Variants in GUCY1B1 observed in about 807,000 individuals in gnomAD.
GUCY1B1 encodes guanylate cyclase soluble subunit beta-1.
Under a neutral mutation model 71.0 loss-of-function variants are expected in GUCY1B1, and 43 were observed. The ratio of observed to expected loss-of-function variants is 0.61; its 90% CI spans 0.47 to 0.78. The LOEUF (loss-of-function observed/expected upper bound fraction) is 0.78. GUCY1B1 is among the 30% of genes least tolerant of loss of function. The pLI, the probability that GUCY1B1 is intolerant of heterozygous loss-of-function variation, is 0.00. For synonymous variants in GUCY1B1, 266 were observed against 259.7 expected (o/e 1.02, Z -0.23); for missense variants, 535 against 754.1 (o/e 0.71, Z 3.40).
At chr4:155,762,179 G>C (rs879808382) in intron 2 of GUCY1B1, among the ~76,000 whole-genome samples, 1 of 152,178 alleles carries the variant, frequency 6.6e-6, no homozygotes, top group Non-Finnish European at 1.5e-5. Flanking sequence ...GAGGGGAGGA[G>C]AACCTGGAGG....
In GUCY1B1 at chr4:155,804,619, G is replaced by A. The variant is rs779444663; in HGVS notation, c.1581G>A (p.Glu527=). 7 of 1,612,318 alleles carry A rather than the reference G, an allele frequency of 4.3e-6. No individual in the cohort carries two copies. In the African/African-American group the frequency reaches 9.4e-5, roughly 22 times the overall value. The stretch of plus-strand genomic sequence containing the variant: ...TAACAATAGGGATACACACTGGAGA[G>A]GTAGTTACAGGTGTCATAGGACAGC... ...VQITIGIHTG[E]VVTGVIGQRM... Residue 527 remains glutamate (E), a synonymous_variant, in exon 12 of 14, where the codon GAG becomes GAA. Coordinates refer to ENST00000264424, the MANE Select transcript of GUCY1B1 (RefSeq NM_000857.5).
chr4:155,795,627 G>A (rs1417177881), intron 7 of GUCY1B1, among the ~76,000 whole-genome samples, 170 bp downstream of exon 7: 4 of 152,136 alleles, frequency 2.6e-5, no homozygotes, highest in Non-Finnish European at 5.9e-5. Flanking sequence ...TGCCTGAGGA[G>A]CAGTGGAACT....
At chr4:155,799,217 G>A (rs1049842005) in intron 8 of GUCY1B1, among the ~76,000 whole-genome samples, 1 of 152,214 alleles carries the variant, frequency 6.6e-6, no homozygotes, top group African/African-American at 2.4e-5. Context: ...TATGTTGTTG[G>A]AAAAATGACA....
chr4:155,777,497 T>G (rs1738137235), intron 3 of GUCY1B1, 27 bp from the exon 4 acceptor site: 1 of 1,153,782 alleles, frequency 8.7e-7, no homozygotes, highest in African/African-American at 1.5e-5. Flanking sequence ...TATATGCTTT[T>G]TTTCCCCTCT....
At chr4:155,775,908 G>T (rs1238799181) in intron 3 of GUCY1B1, among the ~76,000 whole-genome samples, 1 of 152,136 alleles carries the variant, frequency 6.6e-6, no homozygotes, top group Non-Finnish European at 1.5e-5. Flanking sequence ...CTATAGTTTG[G>T]ATACAATAGA....
chr4:155,782,704 G>A (rs1206395374), intron 4 of GUCY1B1, among the ~76,000 whole-genome samples: 2 of 152,074 alleles, frequency 1.3e-5, no homozygotes, highest in Non-Finnish European at 2.9e-5. Flanking sequence ...TTAACCAATC[G>A]AATGGGGCAG....
chr4:155,793,378 G>C (rs1739315915), intron 5 of GUCY1B1, among the ~76,000 whole-genome samples: 1 of 152,070 alleles, frequency 6.6e-6, no homozygotes, highest in South Asian at 2.1e-4. Context: ...CACCTGGCCT[G>C]GTATTGTAAC....
intron 2 of GUCY1B1, chr4:155,772,779 G>A (rs1471530778): frequency 5.7e-6 from 4 of 702,220 alleles, no homozygotes; most frequent in African/African-American, 1.7e-5. Flanking sequence ...TCATTTAGCT[G>A]GTAAAGCCTG....
chr4:155,791,739 TAG>T (rs1479585995), intron 5 of GUCY1B1, among the ~76,000 whole-genome samples: 10 of 123,844 alleles, frequency 8.1e-5, no homozygotes, highest in African/African-American at 3.3e-4. Context: ...ATCAAAAAAA[TAG>T]AGAAAAAAAA....
rs535831203 is a variant in GUCY1B1, at chr4:155,760,937, C to A, written c.77+1077C>A. Among the ~76,000 whole-genome samples the A allele has an allele frequency of 2.6e-4, 39 of 152,332 alleles. 1 individual carries two copies. The highest frequency in any genetic ancestry group is 8.7e-4 in the African/African-American group (36 of 41,574). On this transcript the variant is annotated intron_variant, in intron 2 of 13. Coordinates refer to ENST00000264424, the MANE Select transcript of GUCY1B1 (RefSeq NM_000857.5). ...TACAATTATTAGCAATCAATTCTAA[C>A]AGGCCTTATTATGCAGTTACATGAT...
Position 155,775,065 on chromosome 4 carries a change from C to T in GUCY1B1, c.175C>T (p.Leu59Phe). 1 of 1,543,136 alleles carries T rather than the reference C, an allele frequency of 6.5e-7. No homozygotes were observed. Among genetic ancestry groups the T allele is most frequent in the Non-Finnish European group, 9.0e-7 (1 of 1,116,016 alleles). Residue 59 changes from leucine to phenylalanine, a missense_variant, in exon 3 of 14, where the codon CTC becomes TTC. Transcript: ENST00000264424. ...YDLVAAASKV[L>F]NLNAGEILQM... ...TTTGGTTGCTGCTGCAAGCAAAGTC[C>T]TCAGTAAGTTGAATGCAACTTTCCT...
intron 4 of GUCY1B1, among the ~76,000 whole-genome samples, chr4:155,784,071 A>C (rs1392896966): frequency 1.3e-5 from 2 of 152,184 alleles, no homozygotes; most frequent in African/African-American, 2.4e-5. Context: ...GTTTAAAAGC[A>C]ATAGAATAAG....
intron 2 of GUCY1B1, among the ~76,000 whole-genome samples, chr4:155,761,777 G>A (rs1411145826): frequency 2.0e-5 from 3 of 152,096 alleles, no homozygotes; most frequent in African/African-American, 7.2e-5. Flanking sequence ...TCTTTAAGTA[G>A]CTTCCAACAG....
At chr4:155,804,832 C>T in intron 12 of GUCY1B1, 85 bp downstream of exon 12, 1 of 1,262,844 alleles carries the variant, frequency 7.9e-7, no homozygotes, top group Non-Finnish European at 1.1e-6. Context: ...GATTTTGTTG[C>T]TTTAACAGAG....
Position 155,775,007 on chromosome 4 carries a change from C to T in GUCY1B1, c.117C>T (p.Val39=). The change falls in exon 3 of 14, where the codon GTC becomes GTT. Residue 39 remains valine, a synonymous_variant. Transcript: ENST00000264424. ...AQLDEEGQFL[V]RIIYDDSKTY... The stretch of plus-strand genomic sequence containing the variant: ...TAGATGAAGAAGGACAGTTTCTTGT[C>T]AGAATAATATATGATGACTCCAAAA... 1 of 1,604,870 alleles carries T rather than the reference C, an allele frequency of 6.2e-7. No homozygotes were observed. Among genetic ancestry groups the T allele is most frequent in the Non-Finnish European group, 8.5e-7 (1 of 1,172,162 alleles).
chr4:155,781,943 T>C, intron 4 of GUCY1B1, among the ~76,000 whole-genome samples: 1 of 152,198 alleles, frequency 6.6e-6, no homozygotes, highest in East Asian at 1.9e-4. Context: ...GTATATTGTT[T>C]TAAAGACAAG....
At position 155,777,809 on chromosome 4, in the gene GUCY1B1, C is replaced by T. The variant is rs527630032; in HGVS notation, c.297+167C>T. On this transcript the variant is annotated intron_variant, in intron 4 of 13. Transcript: ENST00000264424. ...TAAAATCATCGTTATTGGAGCGTCT[C>T]GAATACATTTTAGCATTATATTTTT... Among the ~76,000 whole-genome samples the T allele has an allele frequency of 9.2e-5, 14 of 152,182 alleles. No homozygotes were observed. In the East Asian group the frequency reaches 2.3e-3, roughly 25 times the overall value.
At chr4:155,799,190 A>T (rs1028864628) in intron 8 of GUCY1B1, among the ~76,000 whole-genome samples, 3 of 152,198 alleles carry the variant, frequency 2.0e-5, no homozygotes, top group Non-Finnish European at 4.4e-5. Context: ...GATTATCACT[A>T]AAATAATAAA....
intron 4 of GUCY1B1, among the ~76,000 whole-genome samples, chr4:155,785,612 A>G (rs1738711875): frequency 6.6e-6 from 1 of 152,116 alleles, no homozygotes; most frequent in Admixed American, 6.5e-5. Flanking sequence ...AAAAAATTGT[A>G]GCCTGTATAT....
Sources: allele counts gnomAD v4.1 joint callset (sites outside exome capture counted in the v4.1 genomes callset), GRCh38; gene constraint gnomAD v4.1.1; transcripts MANE v1.5; gene names NCBI Gene and HGNC (gene_info 2026-07-23, HGNC 2026-07-21).